LARGE1: variants seen among roughly 807,000 people sequenced by gnomAD.
The protein encoded by LARGE1 is LARGE xylosyl- and glucuronyltransferase 1.
LARGE1 carries 43 observed loss-of-function variants against 87.6 expected under a neutral mutation model. That is an observed-to-expected ratio of 0.49 (90% CI 0.38 to 0.63). LARGE1 has a LOEUF of 0.63. Among genes scored for constraint, LARGE1 ranks in the 30% least tolerant of loss-of-function variants. The pLI is 0.00. For missense variants in LARGE1, 802 were observed against 1,000.2 expected (o/e 0.80, Z 2.67); for synonymous variants, 434 against 394.6 (o/e 1.10, Z -1.18).
intron 9 of LARGE1, among the ~76,000 whole-genome samples, chr22:33,356,882 G>A (rs1940944111): frequency 6.6e-6 from 1 of 152,176 alleles, no homozygotes. Flanking sequence ...CTAGCCAAAT[G>A]GAAACTATTC....
At chr22:33,759,954 C>T (rs1161772560) in intron 2 of LARGE1, among the ~76,000 whole-genome samples, 1 of 152,144 alleles carries the variant, frequency 6.6e-6, no homozygotes, top group Non-Finnish European at 1.5e-5. Context: ...GTCACTTGGC[C>T]TCGGCACTGG....
intron 2 of LARGE1, among the ~76,000 whole-genome samples, chr22:33,675,945 G>C (rs1011046348): frequency 6.6e-6 from 1 of 151,860 alleles, no homozygotes; most frequent in Non-Finnish European, 1.5e-5. Context: ...ACAAAAATCT[G>C]TCTCCAAAAT....
At chr22:33,684,173 G>A (rs960902224) in intron 2 of LARGE1, among the ~76,000 whole-genome samples, 10 of 152,100 alleles carry the variant, frequency 6.6e-5, no homozygotes, top group South Asian at 2.1e-4. Flanking sequence ...TTGTACACCC[G>A]GTGAATGTGG....
intron 1 of LARGE1, among the ~76,000 whole-genome samples, chr22:33,817,440 T>G (rs2086687768): frequency 6.6e-6 from 1 of 150,890 alleles, no homozygotes; most frequent in East Asian, 1.9e-4. Context: ...TCGTTTGTGT[T>G]TCTCTCTCTC....
At chr22:33,553,652 C>G (rs2077593304) in intron 6 of LARGE1, among the ~76,000 whole-genome samples, 1 of 152,162 alleles carries the variant, frequency 6.6e-6, no homozygotes. Context: ...CGCCAATACC[C>G]CATGGGTATC....
At chr22:33,512,974 G>C (rs148529605) in intron 6 of LARGE1, among the ~76,000 whole-genome samples, 7 of 152,058 alleles carry the variant, frequency 4.6e-5, no homozygotes, top group African/African-American at 1.4e-4. Flanking sequence ...AAATGCCTGA[G>C]CCAGATGTGT....
At chr22:33,186,327 G>C (rs1382511699) in intron 11 of LARGE1, among the ~76,000 whole-genome samples, 1 of 152,070 alleles carries the variant, frequency 6.6e-6, no homozygotes, top group African/African-American at 2.4e-5. Context: ...ATCATAACAA[G>C]GTTTATCTCA....
At chr22:33,142,349 C>T in the LARGE1 span, among the ~76,000 whole-genome samples, 1 of 152,066 alleles carries the variant, frequency 6.6e-6, no homozygotes, top group African/African-American at 2.4e-5. Flanking sequence ...TCGCATTCCC[C>T]CAAACCCCTT....
At chr22:33,471,025 T>C (rs931321744) in intron 6 of LARGE1, among the ~76,000 whole-genome samples, 1 of 143,350 alleles carries the variant, frequency 7.0e-6, no homozygotes, top group African/African-American at 2.7e-5. Context: ...TCTTTCTTCT[T>C]CTTCTTTTTT....
intron 11 of LARGE1, among the ~76,000 whole-genome samples, chr22:33,197,723 A>G (rs550019076): frequency 5.3e-5 from 8 of 152,282 alleles, no homozygotes; most frequent in Admixed American, 3.3e-4. Flanking sequence ...AAATGAATCT[A>G]TATATTCAAT....
rs150334234 is a variant in LARGE1 at position 33,760,903 on chromosome 22, A to G, written c.106+468T>C. On this transcript the variant is annotated intron_variant, in intron 2 of 14. Transcript: ENST00000397394. Reference sequence around the variant, plus strand: ...CCACTGCACTCCAGCCTGGTAACAGAGCGAGACTCCGTCTCAAAAAAACCA... The same window carrying G: ...CCACTGCACTCCAGCCTGGTAACAGGGCGAGACTCCGTCTCAAAAAAACCA... 8.1e-3 allele frequency among the ~76,000 whole-genome samples: 1,232 copies of G among 152,302 alleles called. 22 individuals carry two copies. Among genetic ancestry groups the G allele is most frequent in the African/African-American group, 0.028 (1,169 of 41,570 alleles).
chr22:33,147,348 C>T, the LARGE1 span, among the ~76,000 whole-genome samples: 1,423 of 152,002 alleles, frequency 9.4e-3, 30 homozygotes, highest in African/African-American at 0.033. Context: ...GTAATAGAAC[C>T]AATTTATACC....
chr22:33,322,605 C>A (rs1016086791), intron 10 of LARGE1: 1 of 152,138 alleles, frequency 6.6e-6, no homozygotes, highest in African/African-American at 2.4e-5. Context: ...AGAGGGAGTA[C>A]TGGTCAACGG....
At chr22:33,775,442 C>T (rs547570494) in intron 1 of LARGE1, among the ~76,000 whole-genome samples, 2 of 152,346 alleles carry the variant, frequency 1.3e-5, no homozygotes, top group South Asian at 4.1e-4. Context: ...AACTGCTAGA[C>T]TTTCCCACAC....
At chr22:33,185,606 C>A (rs1017223425) in intron 11 of LARGE1, among the ~76,000 whole-genome samples, 10 of 151,984 alleles carry the variant, frequency 6.6e-5, no homozygotes, top group African/African-American at 2.4e-4. Context: ...GCAAATGTAC[C>A]ACCGTGGCAT....
chr22:33,303,141 A>G (rs1005799658), intron 12 of LARGE1, among the ~76,000 whole-genome samples: 2 of 152,168 alleles, frequency 1.3e-5, no homozygotes, highest in African/African-American at 4.8e-5. Context: ...ATTGTGTACT[A>G]TTCTGTAATA....
chr22:33,503,177 A>G (rs1422402076), intron 6 of LARGE1, among the ~76,000 whole-genome samples: 3 of 152,146 alleles, frequency 2.0e-5, no homozygotes, highest in Admixed American at 2.0e-4. Context: ...TTTACTCAAA[A>G]ATGCAGTGAA....
At chr22:33,363,884 G>C (rs1601592590) in intron 9 of LARGE1, among the ~76,000 whole-genome samples, 1 of 148,944 alleles carries the variant, frequency 6.7e-6, no homozygotes, top group East Asian at 1.9e-4. Context: ...TGGAGATGCT[G>C]GATGAAGGGA....
intron 7 of LARGE1, among the ~76,000 whole-genome samples, chr22:33,404,959 A>C (rs925915984): frequency 1.2e-4 from 18 of 152,186 alleles, no homozygotes; most frequent in African/African-American, 3.4e-4. Flanking sequence ...GCCACAAAAG[A>C]GGCTCCCAGT....
Sources: gnomAD v4.1 joint callset for allele counts (sites outside exome capture counted in the v4.1 genomes callset) on GRCh38, gnomAD v4.1.1 for gene constraint, MANE v1.5 for transcripts, NCBI Gene and HGNC (gene_info 2026-07-23, HGNC 2026-07-21) for gene names.